The following MIGA1 variants were observed in gnomAD, a reference collection of about 807,000 sequenced individuals.
MIGA1 encodes the protein family with sequence similarity 73, member A.
MIGA1 carries 58 observed loss-of-function variants against 82.0 expected under a neutral mutation model. The observed-to-expected ratio is 0.71, with a 90% CI of 0.57 to 0.88. The LOEUF (loss-of-function observed/expected upper bound fraction) is 0.88. Among genes scored for constraint, MIGA1 ranks in the 40% least tolerant of loss-of-function variants. The pLI is 0.00. For synonymous variants in MIGA1, 249 were observed against 253.6 expected, an observed-to-expected ratio of 0.98 and a Z score of 0.17; for missense variants, 751 against 749.1, an observed-to-expected ratio of 1.00 and a Z score of -0.03.
intron 15 of MIGA1, 94 bp downstream of exon 15, chr1:77,873,214 A>T (rs529716548): frequency 8.1e-7 from 1 of 1,229,990 alleles, no homozygotes; most frequent in African/African-American, 1.5e-5. Flanking sequence ...TAGAAGAACA[A>T]ATGTTATTTA....
chr1:77,852,889 C>G (rs1685107663), intron 8 of MIGA1, among the ~76,000 whole-genome samples: 2 of 152,118 alleles, frequency 1.3e-5, no homozygotes, highest in Admixed American at 1.3e-4. Flanking sequence ...CGGGGCTTCC[C>G]CATGTTGGCC....
intron 7 of MIGA1, among the ~76,000 whole-genome samples, chr1:77,840,528 G>T (rs1684590149): frequency 1.3e-5 from 2 of 152,114 alleles, no homozygotes; most frequent in African/African-American, 4.8e-5. Context: ...CTCTCGGCCG[G>T]GTGCAGTGGC....
At chr1:77,807,180 CA>C in intron 5 of MIGA1, 79 bp downstream of exon 5, 3 of 1,153,540 alleles carry the variant, frequency 2.6e-6, no homozygotes, top group Non-Finnish European at 3.7e-6. Flanking sequence ...TTTATTGAGA[CA>C]GACAGGGTCT....
intron 7 of MIGA1, among the ~76,000 whole-genome samples, chr1:77,833,777 A>G (rs547168832): frequency 2.0e-5 from 3 of 152,332 alleles, no homozygotes; most frequent in Non-Finnish European, 4.4e-5. Context: ...CTGCAGACCT[A>G]ATCTTAATGA....
rs573964045 is a variant in MIGA1 at position 77,847,946 on chromosome 1, G to A, written c.996+4539G>A. The stretch of plus-strand genomic sequence containing the variant: ...TAGAGTGAACTGCAGAAGGGAAAAG[G>A]TCGTAGAGACCCCTGAGAATCACCC... On this transcript the variant is annotated intron_variant, in intron 8 of 15. Coordinates refer to ENST00000370791, the MANE Select transcript of MIGA1 (RefSeq NM_198549.4). 5 of 1,308,240 alleles carry A rather than the reference G, an allele frequency of 3.8e-6. No homozygotes were observed. The Admixed American group carries it at 8.9e-5, about 23-fold the overall frequency. 81.0% of individuals were successfully genotyped at this position (1,308,240 alleles called of 1,614,324 possible).
intron 2 of MIGA1, among the ~76,000 whole-genome samples, chr1:77,791,255 A>AC (rs1184200894): frequency 5.7e-4 from 86 of 151,038 alleles, no homozygotes; most frequent in African/African-American, 1.6e-3. Context: ...AAAAAAAAAA[A>AC]AAAAAAAAAA....
chr1:77,781,567 A>G (rs1681916991), intron 1 of MIGA1, among the ~76,000 whole-genome samples: 1 of 152,212 alleles, frequency 6.6e-6, no homozygotes, highest in South Asian at 2.1e-4. Context: ...TTCTTTGCCC[A>G]GCTTTTCTAT....
Position 77,829,464 on chromosome 1 carries a change from TAGA to T in MIGA1, c.896-13840_896-13838del, listed in dbSNP as rs527467251. On this transcript the variant is annotated intron_variant, in intron 7 of 15. Transcript: ENST00000370791. ...AGACCCTGTCCCTTAAAAAATCTTC[TAGA>T]AGTTTTGTTTGTTTGTTTTGAGACA... is the stretch of plus-strand genomic sequence containing the variant. Among the ~76,000 whole-genome samples, 4 of 152,158 alleles carry T rather than the reference TAGA, an allele frequency of 2.6e-5. No homozygotes were observed. The South Asian group carries it at 8.3e-4, about 32-fold the overall frequency.
chr1:77,829,613 C>T (rs1411120328), intron 7 of MIGA1, among the ~76,000 whole-genome samples: 2 of 151,826 alleles, frequency 1.3e-5, no homozygotes, highest in South Asian at 4.2e-4. Context: ...GGAGTACAGG[C>T]ACCTGCCACC....
chr1:77,871,131 A>AGAGGGAGAGGGT, intron 14 of MIGA1, among the ~76,000 whole-genome samples: 1 of 125,508 alleles, frequency 8.0e-6, no homozygotes, highest in Non-Finnish European at 1.7e-5. Flanking sequence ...GAGAGGAGGG[A>AGAGGGAGAGGGT]GAGGGAGAGG....
At chr1:77,797,548 G>T (rs911469358) in intron 2 of MIGA1, among the ~76,000 whole-genome samples, 3 of 151,944 alleles carry the variant, frequency 2.0e-5, no homozygotes, top group African/African-American at 7.3e-5. Context: ...TTTTTATTTG[G>T]ATTATGTTGT....
At chr1:77,812,920 A>C (rs1683398424) in intron 5 of MIGA1, among the ~76,000 whole-genome samples, 1 of 152,186 alleles carries the variant, frequency 6.6e-6, no homozygotes, top group Admixed American at 6.5e-5. Flanking sequence ...GACACCCTTT[A>C]AGGGACAAAA....
In MIGA1 at chr1:77,779,893, A is replaced by C. The variant is rs571470628; in HGVS notation, c.81+157A>C. 51 of 1,424,106 alleles carry C rather than the reference A, an allele frequency of 3.6e-5. No homozygotes were observed. In the East Asian group the frequency reaches 8.0e-4, roughly 22 times the overall value. 88.2% of individuals were successfully genotyped at this position (1,424,106 alleles called of 1,614,324 possible). A position where few individuals can be genotyped will look rare whatever the true frequency, so the allele number is the denominator to read the frequency against. On this transcript the variant is annotated intron_variant, in intron 1 of 15. Transcript: ENST00000370791. ...GTGCCAGGTGGAGCGGCGGAAAGCC[A>C]GAGGGTCTACGGCCGTGCCACCCTG... is the stretch of plus-strand genomic sequence containing the variant.
At chr1:77,827,024 C>T (rs1208072782) in intron 7 of MIGA1, among the ~76,000 whole-genome samples, 2 of 151,994 alleles carry the variant, frequency 1.3e-5, no homozygotes, top group African/African-American at 2.4e-5. Flanking sequence ...CCAGGCTGGT[C>T]TCAAGCTCCT....
chr1:77,841,102 A>G (rs1684611276), intron 7 of MIGA1, among the ~76,000 whole-genome samples: 1 of 152,188 alleles, frequency 6.6e-6, no homozygotes, highest in Non-Finnish European at 1.5e-5. Flanking sequence ...TGAAACAATT[A>G]TGTTGTTTTA....
intron 7 of MIGA1, among the ~76,000 whole-genome samples, chr1:77,820,534 T>C (rs1683763558): frequency 6.6e-6 from 1 of 152,294 alleles, no homozygotes; most frequent in Non-Finnish European, 1.5e-5. Context: ...TAACAATGTG[T>C]ATTGGCTCGG....
chr1:77,869,984 C>G (rs1430094238), intron 14 of MIGA1, among the ~76,000 whole-genome samples: 1 of 138,688 alleles, frequency 7.2e-6, no homozygotes, highest in Non-Finnish European at 1.6e-5. Flanking sequence ...CACCTCCCTC[C>G]CGGATGGGGC....
chr1:77,857,516 C>T (rs1040351521), intron 8 of MIGA1, among the ~76,000 whole-genome samples: 1 of 151,856 alleles, frequency 6.6e-6, no homozygotes, highest in Non-Finnish European at 1.5e-5. Flanking sequence ...CACCTGGCCC[C>T]CCCTAATTTT....
chr1:77,787,456 C>T (rs888284247), intron 2 of MIGA1, among the ~76,000 whole-genome samples: 1 of 151,174 alleles, frequency 6.6e-6, no homozygotes, highest in African/African-American at 2.4e-5. Context: ...TGCAATCTCA[C>T]TGCTCACTGC....
Sources: gnomAD v4.1 joint callset for allele counts (sites outside exome capture counted in the v4.1 genomes callset) on GRCh38, gnomAD v4.1.1 for gene constraint, MANE v1.5 for transcripts, NCBI Gene and HGNC (gene_info 2026-07-23, HGNC 2026-07-21) for gene names.